The following KIF26B variants were observed in gnomAD, a reference collection of about 807,000 sequenced individuals.
KIF26B encodes kinesin-like protein KIF26B.
KIF26B carries 63 observed loss-of-function variants against 151.2 expected under a neutral mutation model. That is an observed-to-expected ratio of 0.42 (90% CI 0.34 to 0.51). The LOEUF (loss-of-function observed/expected upper bound fraction) is 0.51. Ranked by LOEUF, KIF26B falls within the 20% of genes least tolerant of loss-of-function variation. The pLI is 0.07. For missense variants in KIF26B, 2,813 were observed against 2,913.6 expected (o/e 0.97, Z 0.79); for synonymous variants, 1,357 against 1,262.1 (o/e 1.08, Z -1.59).
At chr1:245,414,023 A>G (rs36047793) in intron 3 of KIF26B, among the ~76,000 whole-genome samples, 3,412 of 152,302 alleles carry the variant, frequency 0.022, 59 homozygotes, top group Non-Finnish European at 0.024. Context: ...GCAGTGAGGG[A>G]TCTGTATGCA....
chr1:245,367,495 C>T lies in KIF26B; in HGVS notation c.999+128C>T. The T allele has an allele frequency of 2.2e-6, 2 of 912,752 alleles. No individual in the cohort carries two copies. Among genetic ancestry groups the T allele is most frequent in the Non-Finnish European group, 1.6e-6 (1 of 620,120 alleles). 56.5% of individuals were successfully genotyped at this position (912,752 alleles called of 1,614,324 possible). ...TCAGAGCCCAGTGTTTCCATGTGGC[C>T]CCCACAGAGTTCTCATCAAGGTGCC... On this transcript the variant is annotated intron_variant, in intron 3 of 14. Coordinates refer to ENST00000407071, the MANE Select transcript of KIF26B (RefSeq NM_018012.4). The surrounding 1 kb of genome is among the most constrained non-coding windows in gnomAD (Gnocchi z 4.2).
rs200288645 is a variant in KIF26B, at chr1:245,698,189, C to T, written c.5908C>T (p.Arg1970Cys). Residue 1970 changes from arginine to cysteine, a missense_variant, in exon 13 of 15, where the codon CGC becomes TGC. Arg to Cys is a radical substitution (Grantham distance 180, BLOSUM62 -3). Transcript: ENST00000407071. The surrounding 1 kb of genome is among the most constrained non-coding windows in gnomAD (Gnocchi z 4.0). ...AAAACCCCCCAACAGCACAGGCGTC[C>T]GCTGGGTGGATGGCCCCTTGCGGAG... ...VRKPPNSTGV[R>C]WVDGPLRSSP... is the part of the protein sequence containing the mutation. 5.8e-5 allele frequency: 93 copies of T among 1,614,050 alleles called. No individual in the cohort carries two copies. The East Asian group carries it at 1.2e-3, about 21-fold the overall frequency.
At chr1:245,188,974 C>T (rs1197018589) in intron 2 of KIF26B, among the ~76,000 whole-genome samples, 2 of 152,166 alleles carry the variant, frequency 1.3e-5, no homozygotes, top group Middle Eastern at 3.2e-3. Context: ...TGTTGTATGG[C>T]TTTGCTTACA....
intron 4 of KIF26B, among the ~76,000 whole-genome samples, chr1:245,500,488 G>C (rs1201822859): frequency 6.6e-6 from 1 of 152,180 alleles, no homozygotes; most frequent in Non-Finnish European, 1.5e-5. Flanking sequence ...CAAACAATAG[G>C]TTGAAAACTG....
At chr1:245,407,597 G>A (rs1485148202) in intron 3 of KIF26B, among the ~76,000 whole-genome samples, 1 of 151,984 alleles carries the variant, frequency 6.6e-6, no homozygotes, top group Non-Finnish European at 1.5e-5. Context: ...ATTCAATAAA[G>A]CTTTCTGTAC....
intron 3 of KIF26B, among the ~76,000 whole-genome samples, chr1:245,411,548 C>T (rs1069231): frequency 6.6e-6 from 1 of 151,866 alleles, no homozygotes; most frequent in Non-Finnish European, 1.5e-5. Context: ...TTCACCTCGC[C>T]GGGGGAGTGG....
chr1:245,187,966 A>T (rs1443118692), intron 2 of KIF26B, among the ~76,000 whole-genome samples: 1 of 152,108 alleles, frequency 6.6e-6, no homozygotes, highest in African/African-American at 2.4e-5. Flanking sequence ...GAGGTTAATC[A>T]ACACTGAAAT....
rs1354436338 is a variant in KIF26B, at chr1:245,572,224, G to A, written c.1351-30353G>A. The stretch of plus-strand genomic sequence containing the variant: ...GCTCAGGACTTATTTACCTAATGTC[G>A]TTTGGCCTGGAATGTTTCAGAGCAC... On this transcript the variant is annotated intron_variant, in intron 5 of 14. Coordinates refer to ENST00000407071, the MANE Select transcript of KIF26B (RefSeq NM_018012.4). The surrounding 1 kb of genome is among the most constrained non-coding windows in gnomAD (Gnocchi z 4.2). 1.3e-5 allele frequency among the ~76,000 whole-genome samples: 2 copies of A among 152,164 alleles called. No individual in the cohort carries two copies. The highest frequency in any genetic ancestry group is 1.9e-4 in the East Asian group (1 of 5,200).
At chr1:245,263,707 A>T (rs1415797180) in intron 2 of KIF26B, among the ~76,000 whole-genome samples, 1 of 152,212 alleles carries the variant, frequency 6.6e-6, no homozygotes, top group Non-Finnish European at 1.5e-5. Context: ...CATTTCCCCA[A>T]AAAAGGTAAG....
At chr1:245,192,345 A>AG (rs980204027) in intron 2 of KIF26B, among the ~76,000 whole-genome samples, 4 of 151,876 alleles carry the variant, frequency 2.6e-5, no homozygotes, top group African/African-American at 9.7e-5. Context: ...AAAACTTCAC[A>AG]GGAAAGAAAA....
intron 4 of KIF26B, among the ~76,000 whole-genome samples, chr1:245,420,453 G>C (rs1172472957): frequency 6.6e-6 from 1 of 152,174 alleles, no homozygotes; most frequent in East Asian, 1.9e-4. Context: ...GGTTCAACTA[G>C]GAGTGAGTTT....
chr1:245,620,396 G>T (rs546484297), intron 9 of KIF26B, among the ~76,000 whole-genome samples: 1 of 144,378 alleles, frequency 6.9e-6, no homozygotes, highest in Non-Finnish European at 1.6e-5. Context: ...ATTCAACATC[G>T]TTAAAAAAAA....
intron 3 of KIF26B, among the ~76,000 whole-genome samples, chr1:245,399,888 T>A (rs1673952539): frequency 6.6e-6 from 1 of 152,220 alleles, no homozygotes; most frequent in Non-Finnish European, 1.5e-5. Flanking sequence ...TAACATTTAA[T>A]CACAGAGAAG....
At chr1:245,272,137 A>G (rs964073580) in intron 2 of KIF26B, among the ~76,000 whole-genome samples, 3 of 152,208 alleles carry the variant, frequency 2.0e-5, no homozygotes, top group African/African-American at 7.2e-5. Context: ...TTGTTGGTAT[A>G]TAATTGTTCA....
intron 9 of KIF26B, among the ~76,000 whole-genome samples, chr1:245,623,734 G>A (rs2043689787): frequency 6.6e-6 from 1 of 152,088 alleles, no homozygotes; most frequent in African/African-American, 2.4e-5. Context: ...GTGTATATAA[G>A]GTATATATGA....
At chr1:245,459,727 C>A (rs1659608197) in intron 4 of KIF26B, among the ~76,000 whole-genome samples, 1 of 151,938 alleles carries the variant, frequency 6.6e-6, no homozygotes, top group Admixed American at 6.6e-5. Flanking sequence ...TCTCAAGCAG[C>A]AAAAACAGAG....
At chr1:245,420,194 G>A (rs1248605919) in intron 4 of KIF26B, among the ~76,000 whole-genome samples, 2 of 152,186 alleles carry the variant, frequency 1.3e-5, no homozygotes, top group Non-Finnish European at 2.9e-5. Flanking sequence ...CTATTAAATA[G>A]ATGGCAGGTT....
chr1:245,240,639 C>G (rs1336033085), intron 2 of KIF26B, among the ~76,000 whole-genome samples: 1 of 152,094 alleles, frequency 6.6e-6, no homozygotes, highest in East Asian at 1.9e-4. Flanking sequence ...AACATTTTTA[C>G]CAAAAGCTCT....
intron 2 of KIF26B, among the ~76,000 whole-genome samples, chr1:245,310,073 ATAT>A (rs1671637651): frequency 6.8e-6 from 1 of 147,790 alleles, no homozygotes; most frequent in East Asian, 1.9e-4. Context: ...ATTATATATA[ATAT>A]TTATTTTATA....
Sources: allele counts gnomAD v4.1 joint callset (sites outside exome capture counted in the v4.1 genomes callset), GRCh38; gene constraint gnomAD v4.1.1; non-coding constraint Gnocchi (gnomAD v3.1); transcripts MANE v1.5; gene names NCBI Gene and HGNC (gene_info 2026-07-23, HGNC 2026-07-21).